TUT7: variants seen among roughly 807,000 people sequenced by gnomAD.
The protein encoded by TUT7 is terminal uridylyltransferase 7.
A neutral mutation model predicts 165.9 loss-of-function variants in TUT7; 33 were observed. The ratio of observed to expected loss-of-function variants is 0.20; its 90% CI spans 0.15 to 0.27. The LOEUF (loss-of-function observed/expected upper bound fraction) is 0.27. Ranked by LOEUF, TUT7 falls within the 10% of genes least tolerant of loss-of-function variation. The probability of loss-of-function intolerance (pLI) is 1.00; values close to 1 mark genes in which losing one functional copy is unlikely to be tolerated. For synonymous variants in TUT7, 552 were observed against 608.1 expected, an observed-to-expected ratio of 0.91 and a Z score of 1.36; for missense variants, 1,338 against 1,762.3, an observed-to-expected ratio of 0.76 and a Z score of 4.31.
chr9:86,317,166 A>G, intron 17 of TUT7, 53 bp downstream of exon 17: 1 of 1,518,628 alleles, frequency 6.6e-7, no homozygotes, highest in Non-Finnish European at 9.1e-7. Context: ...AAGACTATAG[A>G]AAACACTAAT....
At chr9:86,338,690 A>G (rs1395100998) in intron 9 of TUT7, 133 bp downstream of exon 9, 1 of 1,055,608 alleles carries the variant, frequency 9.5e-7, no homozygotes, top group African/African-American at 1.7e-5. Context: ...TTTCTGTTGC[A>G]AAATTCAGAT....
chr9:86,326,083 T>A (rs1251576263), intron 11 of TUT7, among the ~76,000 whole-genome samples: 1 of 152,206 alleles, frequency 6.6e-6, no homozygotes, highest in Non-Finnish European at 1.5e-5. Flanking sequence ...GGAACATAAC[T>A]GCGATGTAAT....
intron 26 of TUT7, among the ~76,000 whole-genome samples, chr9:86,300,191 A>C (rs1464367072): frequency 6.6e-6 from 1 of 152,196 alleles, no homozygotes; most frequent in Non-Finnish European, 1.5e-5. Context: ...AATAGATAAA[A>C]ATTTTTAAGT....
At chr9:86,351,805 CG>C (rs1832327940) in intron 2 of TUT7, among the ~76,000 whole-genome samples, 1 of 152,126 alleles carries the variant, frequency 6.6e-6, no homozygotes, top group African/African-American at 2.4e-5. Context: ...CACTAAAAAA[CG>C]CTTTCAGCCA....
At chr9:86,319,847 T>C (rs1316812823) in intron 14 of TUT7, among the ~76,000 whole-genome samples, 177 bp from the exon 15 acceptor site, 1 of 152,086 alleles carries the variant, frequency 6.6e-6, no homozygotes, top group Admixed American at 6.5e-5. Flanking sequence ...TTTTATTTAT[T>C]TTTGAGATAA....
intron 5 of TUT7, chr9:86,344,735 A>T (rs1460733862): frequency 2.1e-6 from 1 of 474,282 alleles, no homozygotes; most frequent in Non-Finnish European, 3.7e-6. Context: ...AATGCAGGGC[A>T]TTCAACTTAA....
chr9:86,309,140 G>T, intron 21 of TUT7, 72 bp downstream of exon 21: 5 of 869,822 alleles, frequency 5.7e-6, no homozygotes, highest in South Asian at 4.6e-5. Context: ...AATAGTTGTT[G>T]AACATCTACA....
At chr9:86,312,672 C>G (rs1015209250) in intron 17 of TUT7, among the ~76,000 whole-genome samples, 11 of 152,196 alleles carry the variant, frequency 7.2e-5, no homozygotes, top group Admixed American at 1.3e-4. Flanking sequence ...GAATAGAAAG[C>G]GGGGAAAGGT....
At chr9:86,345,443 G>A (rs1260324139) in intron 4 of TUT7, among the ~76,000 whole-genome samples, 2 of 152,074 alleles carry the variant, frequency 1.3e-5, no homozygotes, top group Admixed American at 6.6e-5. Context: ...CATATACCTG[G>A]GTCCTATCAA....
intron 5 of TUT7, among the ~76,000 whole-genome samples, chr9:86,343,744 A>G (rs915835047): frequency 6.6e-6 from 1 of 152,226 alleles, no homozygotes; most frequent in Non-Finnish European, 1.5e-5. Context: ...CTTTTGAAAA[A>G]TAATTACAAT....
chr9:86,337,188 G>T, intron 10 of TUT7: 1 of 426,488 alleles, frequency 2.3e-6, no homozygotes. Flanking sequence ...AAAATTAAGA[G>T]ATTTTGCAGT....
intron 14 of TUT7, among the ~76,000 whole-genome samples, chr9:86,321,338 CA>C (rs751948390): frequency 7.3e-5 from 11 of 151,344 alleles, no homozygotes; most frequent in Non-Finnish European, 1.3e-4. Context: ...GCCTGGGTGA[CA>C]GAGCTAGACT....
At chr9:86,349,568 G>A (rs1478983854) in intron 2 of TUT7, among the ~76,000 whole-genome samples, 1 of 151,918 alleles carries the variant, frequency 6.6e-6, no homozygotes, top group Non-Finnish European at 1.5e-5. Flanking sequence ...ACCGTATGTG[G>A]GGGGGAAAAA....
rs138301516 is a variant in TUT7, at chr9:86,323,272, A to G, written c.2478T>C (p.Ser826=). The change falls in exon 13 of 27, where the codon TCT becomes TCC. Residue 826 remains serine (S), a synonymous_variant. Coordinates refer to ENST00000375963, the MANE Select transcript of TUT7 (RefSeq NM_024617.4). ...STEGTEELED[S]LNHFTHSVQG... ...GTACTGAGTGGGTAAAGTGGTTTAG[A>G]GAGTCTTCTAGTTCCTCAGTACCTT... 8.1e-6 allele frequency: 13 copies of G among 1,614,116 alleles called. No homozygotes were observed. The South Asian group carries it at 1.2e-4, about 15-fold the overall frequency.
In TUT7 at chr9:86,353,128, G is replaced by A; in HGVS notation, c.72C>T (p.Phe24=). Residue 24 remains phenylalanine (F), a synonymous_variant, in exon 2 of 27, where the codon TTC becomes TTT. Coordinates refer to ENST00000375963, the MANE Select transcript of TUT7 (RefSeq NM_024617.4). Reference sequence around the variant, plus strand: ...AATCTTGTTGGGGGTGACCCCTTCTGAAGTCATCATCATCCATAGTCCCCC... The same window carrying A: ...AATCTTGTTGGGGGTGACCCCTTCTAAAGTCATCATCATCCATAGTCCCCC... ...KDRGTMDDDD[F]RRGHPQQDYL... is the part of the protein sequence containing the mutation. 6.2e-7 allele frequency: 1 copy of A among 1,612,520 alleles called. No homozygotes were observed. The highest frequency in any genetic ancestry group is 8.5e-7 in the Non-Finnish European group (1 of 1,179,734).
Position 86,288,638 on chromosome 9 carries a change from C to T in TUT7, c.*39G>A, listed in dbSNP as rs143384743. ...ACCTAATTTTCCGAGTGAATAGGAA[C>T]GCCTGAGTGGCCATTTAGAGTGCTG... On this transcript the variant is annotated 3_prime_UTR_variant, in exon 27 of 27. Coordinates refer to ENST00000375963, the MANE Select transcript of TUT7 (RefSeq NM_024617.4). 4.5e-4 allele frequency: 685 copies of T among 1,539,224 alleles called. 5 individuals are homozygous for T. The African/African-American group carries it at 5.0e-3, about 11-fold the overall frequency.
At chr9:86,350,604 C>T (rs1333750772) in intron 2 of TUT7, among the ~76,000 whole-genome samples, 2 of 152,204 alleles carry the variant, frequency 1.3e-5, no homozygotes, top group Non-Finnish European at 2.9e-5. Context: ...TCATTTACCG[C>T]GCTGCATAAA....
chr9:86,325,464 C>G lies in TUT7; in HGVS notation c.1659G>C (p.Gln553His). The G allele has an allele frequency of 6.2e-7, 1 of 1,614,056 alleles. No homozygotes were observed. Among genetic ancestry groups the G allele is most frequent in the South Asian group, 1.1e-5 (1 of 91,074 alleles). ...AGAACCGCAGCAATTCCACCCAGAG[C>G]TGCCCAACTGGTACTGAAGGCTGGT... Reference protein sequence around the residue: ...VKHQPSVPVGQLWVELLRFYA... With the variant: ...VKHQPSVPVGHLWVELLRFYA... The change falls in exon 12 of 27, where the codon CAG becomes CAC. Residue 553 changes from glutamine (Q) to histidine (H), a missense_variant. Coordinates refer to ENST00000375963, the MANE Select transcript of TUT7 (RefSeq NM_024617.4).
chr9:86,338,496 C>A (rs1260797295), intron 9 of TUT7, among the ~76,000 whole-genome samples: 1 of 152,128 alleles, frequency 6.6e-6, no homozygotes. Context: ...ATATGAGAAG[C>A]TTTATCTCAA....
Sources: gnomAD v4.1 joint callset for allele counts (sites outside exome capture counted in the v4.1 genomes callset) on GRCh38, gnomAD v4.1.1 for gene constraint, MANE v1.5 for transcripts, NCBI Gene and HGNC (gene_info 2026-07-23, HGNC 2026-07-21) for gene names.